Variants in REV3L observed in about 807,000 individuals in gnomAD.
REV3L encodes REV3 like, DNA directed polymerase zeta catalytic subunit.
REV3L carries 69 observed loss-of-function variants against 299.4 expected under a neutral mutation model. The ratio of observed to expected loss-of-function variants is 0.23; its 90% confidence interval spans 0.19 to 0.28. REV3L has a LOEUF of 0.28. REV3L is among the 10% of genes least tolerant of loss of function. The probability of loss-of-function intolerance (pLI) is 1.00; values close to 1 mark genes in which losing one functional copy is unlikely to be tolerated. For synonymous variants in REV3L, 1,238 were observed against 1,271.4 expected (o/e 0.97, Z 0.56); for missense variants, 3,128 against 3,693.8 (o/e 0.85, Z 3.97).
At chr6:111,417,334 T>C (rs1049624404) in intron 1 of REV3L, among the ~76,000 whole-genome samples, 1 of 152,200 alleles carries the variant, frequency 6.6e-6, no homozygotes, top group Non-Finnish European at 1.5e-5. Context: ...AGATGCACCA[T>C]TGCTCTCATG....
chr6:111,476,605 C>G (rs762516625), intron 1 of REV3L, among the ~76,000 whole-genome samples: 1 of 152,144 alleles, frequency 6.6e-6, no homozygotes, highest in Non-Finnish European at 1.5e-5. Flanking sequence ...ATATTAAGCT[C>G]TCATATATAT....
At chr6:111,432,331 T>A (rs969958215) in intron 1 of REV3L, among the ~76,000 whole-genome samples, 1 of 152,094 alleles carries the variant, frequency 6.6e-6, no homozygotes, top group African/African-American at 2.4e-5. Flanking sequence ...ACTTCGCCTA[T>A]AAAGCCACAC....
At chr6:111,346,335 C>T (rs1414528304) in intron 20 of REV3L, among the ~76,000 whole-genome samples, 1 of 152,144 alleles carries the variant, frequency 6.6e-6, no homozygotes, top group Non-Finnish European at 1.5e-5. Context: ...AAGCAGTCAA[C>T]AAATATCTAA....
intron 1 of REV3L, among the ~76,000 whole-genome samples, chr6:111,477,200 T>C (rs1251887200): frequency 6.6e-6 from 1 of 152,306 alleles, no homozygotes; most frequent in East Asian, 1.9e-4. Context: ...ACACTTAGAG[T>C]TGTTCTCTGT....
chr6:111,431,272 C>T (rs1194524205), intron 1 of REV3L: 1 of 1,454,300 alleles, frequency 6.9e-7, no homozygotes, highest in African/African-American at 1.4e-5. Flanking sequence ...GATGTCACTG[C>T]CTGAAGATGG....
At chr6:111,379,714 C>G (rs1780638333) in intron 11 of REV3L, among the ~76,000 whole-genome samples, 1 of 152,148 alleles carries the variant, frequency 6.6e-6, no homozygotes, top group East Asian at 1.9e-4. Context: ...CAATTTTGCT[C>G]CATTTATCAC....
chr6:111,324,121 T>C (rs1413154855), intron 25 of REV3L, among the ~76,000 whole-genome samples: 1 of 152,180 alleles, frequency 6.6e-6, no homozygotes, highest in Non-Finnish European at 1.5e-5. Flanking sequence ...TGCTTCAGTC[T>C]CCCGAATAGC....
chr6:111,405,310 G>A (rs1783510815), intron 4 of REV3L, 160 bp downstream of exon 4: 9 of 505,852 alleles, frequency 1.8e-5, no homozygotes, highest in Non-Finnish European at 2.8e-5. Flanking sequence ...TGCTTTTCCT[G>A]ACAATCTCTA....
At position 111,329,564 on chromosome 6, in the gene REV3L, C is replaced by G. The variant is rs1775181638; in HGVS notation, c.8209G>C (p.Ala2737Pro). The G allele has an allele frequency of 2.5e-6, 4 of 1,614,016 alleles. No individual in the cohort carries two copies. The highest frequency in any genetic ancestry group is 3.4e-6 in the Non-Finnish European group (4 of 1,180,018). The change falls in exon 25 of 32, where the codon GCT becomes CCT. Residue 2737 changes from alanine to proline, a missense_variant. Coordinates refer to ENST00000368802, the MANE Select transcript of REV3L (RefSeq NM_001372078.1). ...IANVTFGYTS[A>P]NFSGRMPCIE... ...CATGGCATTCTCCCAGAAAAATTAG[C>G]AGATGTATAGCCAAATGTGACATTT... is the stretch of plus-strand genomic sequence containing the variant.
At chr6:111,465,864 G>A (rs575634928) in intron 1 of REV3L, among the ~76,000 whole-genome samples, 1 of 149,460 alleles carries the variant, frequency 6.7e-6, no homozygotes, top group Non-Finnish European at 1.5e-5. Flanking sequence ...CGCAGAAATA[G>A]TCAAACTGAA....
intron 4 of REV3L, among the ~76,000 whole-genome samples, chr6:111,398,444 T>C (rs1257876505): frequency 1.3e-5 from 2 of 151,896 alleles, no homozygotes; most frequent in African/African-American, 4.8e-5. Flanking sequence ...AAAAAAAAAA[T>C]TGTCCCATTT....
intron 6 of REV3L, among the ~76,000 whole-genome samples, chr6:111,389,727 A>ATTTTTTTT (rs10713895): frequency 3.7e-5 from 3 of 81,340 alleles, no homozygotes; most frequent in Non-Finnish European, 7.2e-5. Context: ...TTGGTCATTA[A>ATTTTTTTT]TTTTTTTTTT....
At chr6:111,369,771 A>T (rs555654936) in intron 13 of REV3L, among the ~76,000 whole-genome samples, 1 of 152,310 alleles carries the variant, frequency 6.6e-6, no homozygotes, top group Admixed American at 6.5e-5. Flanking sequence ...CTGTTACTAC[A>T]TGGAAAAATG....
At chr6:111,401,964 A>C (rs1259175430) in intron 4 of REV3L, among the ~76,000 whole-genome samples, 7 of 151,856 alleles carry the variant, frequency 4.6e-5, no homozygotes, top group Non-Finnish European at 1.0e-4. Flanking sequence ...AAATACCCAA[A>C]TTAGCTAGGT....
chr6:111,369,701 A>G (rs479343), intron 13 of REV3L, among the ~76,000 whole-genome samples: 8,530 of 152,258 alleles, frequency 0.056, 274 homozygotes, highest in Middle Eastern at 0.085. Flanking sequence ...AAAACAAAAC[A>G]AACTAAAAAC....
intron 1 of REV3L, among the ~76,000 whole-genome samples, chr6:111,455,226 T>C (rs919726831): frequency 6.6e-6 from 1 of 151,652 alleles, no homozygotes; most frequent in African/African-American, 2.4e-5. Flanking sequence ...TCTTGAAGTG[T>C]GAAGAATTCA....
At chr6:111,429,131 C>T (rs747892012) in intron 1 of REV3L, among the ~76,000 whole-genome samples, 4 of 152,174 alleles carry the variant, frequency 2.6e-5, no homozygotes, top group African/African-American at 4.8e-5. Flanking sequence ...TTGAGCAATG[C>T]TATCCTTCAA....
intron 1 of REV3L, chr6:111,431,341 AC>A (rs769371912): frequency 1.6e-4 from 169 of 1,054,870 alleles, no homozygotes; most frequent in Middle Eastern, 2.9e-4. Flanking sequence ...AAGTAGAGCC[AC>A]CAGGATGTCT....
chr6:111,477,156 T>C (rs149049535), intron 1 of REV3L, among the ~76,000 whole-genome samples: 6 of 152,320 alleles, frequency 3.9e-5, no homozygotes, highest in African/African-American at 1.2e-4. Context: ...CAAATGAATA[T>C]ACCCAGTTTA....
Sources: gnomAD v4.1 joint callset for allele counts (sites outside exome capture counted in the v4.1 genomes callset) on GRCh38, gnomAD v4.1.1 for gene constraint, MANE v1.5 for transcripts, NCBI Gene and HGNC (gene_info 2026-07-23, HGNC 2026-07-21) for gene names.